Variants in RABL6 observed in about 807,000 individuals in gnomAD.
The protein encoded by RABL6 is RAB, member RAS oncogene family like 6, also known as rab-like protein 6.
In RABL6, 28 loss-of-function variants were observed where a neutral mutation model predicts 72.9. The observed-to-expected ratio is 0.38, with a 90% CI of 0.28 to 0.53. The LOEUF (loss-of-function observed/expected upper bound fraction) is 0.53, where lower values mean the gene tolerates loss of function less well. Ranked by LOEUF, RABL6 falls within the 20% of genes least tolerant of loss-of-function variation. The pLI is 0.80. For missense variants in RABL6, 1,029 were observed against 1,008.4 expected (o/e 1.02, Z -0.28); for synonymous variants, 477 against 421.2 (o/e 1.13, Z -1.62).
intron 3 of RABL6, chr9:136,827,298 G>A (rs1848381059): frequency 6.6e-6 from 1 of 152,394 alleles, no homozygotes; most frequent in Admixed American, 6.5e-5. Context: ...GGGGGTTGAG[G>A]TCTCTTGGGC....
intron 7 of RABL6, chr9:136,834,060 C>G (rs767387137): frequency 1.4e-6 from 2 of 1,439,896 alleles, no homozygotes; most frequent in African/African-American, 2.9e-5. Flanking sequence ...GTGTGACTAT[C>G]CTTTTGCTAT....
intron 3 of RABL6, 136 bp downstream of exon 3, chr9:136,825,962 T>A: frequency 9.5e-7 from 1 of 1,051,792 alleles, no homozygotes; most frequent in Non-Finnish European, 1.4e-6. Flanking sequence ...GCTGCTCTGC[T>A]CCCCTCCACA....
rs1847903658 is a variant in RABL6 at position 136,808,033 on chromosome 9, C to T, written c.-164C>T. ...GCAGCCGCGGCTGAGGTTCCCGAGT[C>T]GCCGCTCGGGGCTGCGCTCCGCCGC... On this transcript the variant is annotated 5_prime_UTR_variant, in exon 1 of 15. Transcript: ENST00000311502. 4 of 1,049,120 alleles carry T rather than the reference C, an allele frequency of 3.8e-6. No individual in the cohort carries two copies. Among genetic ancestry groups the T allele is most frequent in the Non-Finnish European group, 1.2e-6 (1 of 867,946 alleles). 65.0% of individuals were successfully genotyped at this position (1,049,120 alleles called of 1,614,324 possible). A position where few individuals can be genotyped will look rare whatever the true frequency, so the allele number is the denominator to read the frequency against.
chr9:136,823,221 G>A (rs1481267059), intron 1 of RABL6, among the ~76,000 whole-genome samples: 1 of 152,102 alleles, frequency 6.6e-6, no homozygotes, highest in Admixed American at 6.5e-5. Flanking sequence ...CCCAGGGGTG[G>A]GCTCTAGGGC....
At chr9:136,817,017 T>G (rs1304504294) in intron 1 of RABL6, among the ~76,000 whole-genome samples, 1 of 152,202 alleles carries the variant, frequency 6.6e-6, no homozygotes, top group African/African-American at 2.4e-5. Flanking sequence ...GCCCATGATA[T>G]GTGCAATTAT....
chr9:136,810,527 A>ATTTCTTTTCT (rs765538814), intron 1 of RABL6, among the ~76,000 whole-genome samples: 1 of 152,024 alleles, frequency 6.6e-6, no homozygotes, highest in Non-Finnish European at 1.5e-5. Flanking sequence ...AGTTTCTAGT[A>ATTTCTTTTCT]TTTCTTTTCT....
intron 10 of RABL6, among the ~76,000 whole-genome samples, chr9:136,838,438 C>T (rs1848624027): frequency 6.6e-6 from 1 of 152,186 alleles, no homozygotes; most frequent in South Asian, 2.1e-4. Flanking sequence ...AGCCATCTGC[C>T]AGCCCCTCCC....
intron 1 of RABL6, among the ~76,000 whole-genome samples, chr9:136,812,474 G>A (rs1369329858): frequency 6.6e-6 from 1 of 152,046 alleles, no homozygotes; most frequent in African/African-American, 2.4e-5. Flanking sequence ...CAGGAGAATC[G>A]CTTGAACCCG....
chr9:136,808,523 G>A, intron 1 of RABL6, 197 bp downstream of exon 1: 1 of 403,942 alleles, frequency 2.5e-6, no homozygotes, highest in Non-Finnish European at 3.9e-6. Context: ...GGTCCTCGCG[G>A]CCCCCGAGCC....
intron 1 of RABL6, 47 bp downstream of exon 1, chr9:136,808,373 C>T: frequency 7.0e-7 from 1 of 1,427,424 alleles, no homozygotes; most frequent in Non-Finnish European, 9.2e-7. Context: ...CGCGGGTCTC[C>T]GAACCCAGGC....
chr9:136,819,339 AAAAAG>A (rs1261795536), intron 1 of RABL6, among the ~76,000 whole-genome samples: 8 of 151,412 alleles, frequency 5.3e-5, no homozygotes, highest in African/African-American at 1.9e-4. Context: ...AAAAAAAAAA[AAAAAG>A]AAAACCACCT....
intron 5 of RABL6, 88 bp from the exon 6 acceptor site, chr9:136,831,633 C>T: frequency 7.7e-6 from 12 of 1,563,634 alleles, no homozygotes; most frequent in Non-Finnish European, 1.0e-5. Context: ...CAGCCACCAT[C>T]CTCGGGCCTG....
intron 1 of RABL6, chr9:136,821,976 T>A (rs977364536): frequency 4.9e-5 from 63 of 1,288,906 alleles, no homozygotes; most frequent in Non-Finnish European, 6.1e-5. Context: ...CCAGAGGCGT[T>A]GAAAGTTGGC....
chr9:136,822,508 G>T (rs1000356824), intron 1 of RABL6, among the ~76,000 whole-genome samples: 22 of 152,180 alleles, frequency 1.4e-4, no homozygotes, highest in African/African-American at 5.1e-4. Flanking sequence ...ACAGCTTCTC[G>T]GTCATTCTCG....
chr9:136,839,421 A>C lies in RABL6; in HGVS notation c.1693A>C (p.Met565Leu). The change falls in exon 12 of 15, where the codon ATG (methionine) becomes CTG (leucine). Residue 565 changes from methionine (M) to leucine (L), a missense_variant. Around this residue, in one of 2 missense-constraint regions of RABL6, gnomAD observed 595 missense variants for 472.4 expected, o/e 1.26. Transcript: ENST00000311502. ...CCCCGAGGGACCCATTGCTGCACAA[A>C]TGCTGTCCTTCGTCATGGATGACCC... ...SDPEGPIAAQ[M>L]LSFVMDDPDF... The C allele has an allele frequency of 6.2e-7, 1 of 1,612,608 alleles. No homozygotes were observed. Among genetic ancestry groups the C allele is most frequent in the South Asian group, 1.1e-5 (1 of 91,022 alleles).
chr9:136,809,656 C>T (rs964561951), intron 1 of RABL6: 1 of 160,318 alleles, frequency 6.2e-6, no homozygotes, highest in Non-Finnish European at 1.4e-5. Context: ...ATGTCCGAAC[C>T]AAGGGCCGTA....
At chr9:136,816,838 TA>T (rs1357711004) in intron 1 of RABL6, among the ~76,000 whole-genome samples, 2 of 152,016 alleles carry the variant, frequency 1.3e-5, no homozygotes, top group African/African-American at 4.8e-5. Flanking sequence ...TGTGGCCATA[TA>T]GTAGGTGTGT....
chr9:136,840,210 G>A lies in RABL6; in HGVS notation c.1987G>A (p.Glu663Lys), dbSNP rs745560477. The change falls in exon 14 of 15, where the codon GAG becomes AAG. Residue 663 changes from glutamate (E) to lysine (K), a missense_variant and splice_region_variant. Glu to Lys is a moderately conservative substitution (Grantham distance 56). This residue lies in a region of RABL6 where 595 missense variants were observed against 472.4 expected (regional missense o/e 1.26). Coordinates refer to ENST00000311502, the MANE Select transcript of RABL6 (RefSeq NM_024718.5). ...GAAGAAGAAGAAGAAAAAAGGCAAA[G>A]AGGTACTGGCTACTCCCCTTCCTGG... ...EKKKKKKKGK[E>K]EEEKAAKKKS... 6.2e-7 allele frequency: 1 copy of A among 1,612,908 alleles called. No individual in the cohort carries two copies. Among genetic ancestry groups the A allele is most frequent in the Non-Finnish European group, 8.5e-7 (1 of 1,179,836 alleles).
chr9:136,812,127 T>C (rs748483154), intron 1 of RABL6, among the ~76,000 whole-genome samples: 2 of 152,228 alleles, frequency 1.3e-5, no homozygotes, highest in Admixed American at 6.5e-5. Flanking sequence ...GGACACAAAA[T>C]ATCAGTTGTA....
Sources: allele counts gnomAD v4.1 joint callset (sites outside exome capture counted in the v4.1 genomes callset), GRCh38; gene constraint gnomAD v4.1.1; regional missense constraint gnomAD v4.1.1; transcripts MANE v1.5; gene names NCBI Gene and HGNC (gene_info 2026-07-23, HGNC 2026-07-21).